DNAH6: variants seen among roughly 807,000 people sequenced by gnomAD.
DNAH6 encodes the protein dynein axonemal heavy chain 6.
In DNAH6, 340 loss-of-function variants were observed where a neutral mutation model predicts 491.4. The observed-to-expected ratio is 0.69, with a 90% CI of 0.63 to 0.76. The LOEUF is 0.76. Among genes scored for constraint, DNAH6 ranks in the 30% least tolerant of loss-of-function variants. The pLI, the probability that DNAH6 is intolerant of heterozygous loss-of-function variation, is 0.00. For synonymous variants in DNAH6, 1,603 were observed against 1,686.1 expected (o/e 0.95, Z 1.21); for missense variants, 4,443 against 4,972.2 (o/e 0.89, Z 3.20).
At chr2:84,535,200 T>C (rs1012431768) in intron 4 of DNAH6, among the ~76,000 whole-genome samples, 1 of 151,992 alleles carries the variant, frequency 6.6e-6, no homozygotes, top group Non-Finnish European at 1.5e-5. Flanking sequence ...CATGGTAATA[T>C]GGATTTAATT....
chr2:84,523,404 C>A (rs186437834), intron 2 of DNAH6, among the ~76,000 whole-genome samples: 1 of 151,866 alleles, frequency 6.6e-6, no homozygotes, highest in Non-Finnish European at 1.5e-5. Context: ...TTCAAAAAAC[C>A]AACTCCTGGA....
the DNAH6 span, among the ~76,000 whole-genome samples, chr2:84,507,390 T>G: frequency 6.6e-6 from 1 of 152,226 alleles, no homozygotes; most frequent in Non-Finnish European, 1.5e-5. Flanking sequence ...TGTATAAGAA[T>G]GCTTGTGATT....
intron 72 of DNAH6, among the ~76,000 whole-genome samples, chr2:84,810,441 G>A (rs115435224): frequency 3.3e-5 from 5 of 152,274 alleles, no homozygotes; most frequent in African/African-American, 9.6e-5. Flanking sequence ...GAAGCATAAG[G>A]GGAGGAGCCC....
chr2:84,681,884 C>G (rs1199918732), intron 42 of DNAH6, among the ~76,000 whole-genome samples: 1 of 152,186 alleles, frequency 6.6e-6, no homozygotes, highest in Non-Finnish European at 1.5e-5. Context: ...GAACCCAGTC[C>G]CCTCCTGTCT....
At chr2:84,471,573 C>G in the DNAH6 span, among the ~76,000 whole-genome samples, 2 of 152,066 alleles carry the variant, frequency 1.3e-5, no homozygotes, top group African/African-American at 4.8e-5. Context: ...CATTGTGACT[C>G]TGGTCGGTCC....
At chr2:84,756,117 G>C (rs1290968425) in intron 63 of DNAH6, among the ~76,000 whole-genome samples, 1 of 152,158 alleles carries the variant, frequency 6.6e-6, no homozygotes, top group African/African-American at 2.4e-5. Context: ...TTTATCAGCA[G>C]CGTGAAAATG....
intron 63 of DNAH6, among the ~76,000 whole-genome samples, chr2:84,748,156 T>C (rs553668609): frequency 3.9e-5 from 6 of 152,348 alleles, no homozygotes; most frequent in Non-Finnish European, 8.8e-5. Context: ...CATTTAGTCA[T>C]GCTAATCTCT....
At chr2:84,764,517 A>C (rs1004937555) in intron 64 of DNAH6, among the ~76,000 whole-genome samples, 6 of 152,208 alleles carry the variant, frequency 3.9e-5, no homozygotes, top group Non-Finnish European at 5.9e-5. Flanking sequence ...GGAGTAAAAA[A>C]TAAGCAAAAA....
rs543466134 is a variant in DNAH6 at position 84,746,681 on chromosome 2, T to C, written c.10512+1432T>C. Among the ~76,000 whole-genome samples, 6 of 152,308 alleles carry C rather than the reference T, an allele frequency of 3.9e-5. No homozygotes were observed. In the South Asian group the frequency reaches 1.2e-3, roughly 32 times the overall value. On this transcript the variant is annotated intron_variant, in intron 63 of 76. Transcript: ENST00000389394. ...GTGTTGATGCTATGTTGTAGGATTT[T>C]CTGCTATCTGTGTATGTTAGTCTGC... is the stretch of plus-strand genomic sequence containing the variant.
intron 11 of DNAH6, among the ~76,000 whole-genome samples, chr2:84,563,829 A>G (rs371142091): frequency 1.8e-4 from 28 of 152,146 alleles, no homozygotes; most frequent in African/African-American, 6.7e-4. Context: ...ATAGTTTGAG[A>G]TTGTACATTT....
intron 31 of DNAH6, among the ~76,000 whole-genome samples, chr2:84,638,177 T>A (rs1277439085): frequency 6.6e-6 from 1 of 152,074 alleles, no homozygotes; most frequent in Non-Finnish European, 1.5e-5. Flanking sequence ...ATATTCACAT[T>A]TTGTACTTTT....
the DNAH6 span, among the ~76,000 whole-genome samples, chr2:84,480,952 G>C: frequency 6.6e-6 from 1 of 150,802 alleles, no homozygotes. Flanking sequence ...GCCAGAGCAA[G>C]ACTCTGTCTC....
rs1688921776 is a variant in DNAH6, at chr2:84,636,790, G to A, written c.4654-420G>A. 2.0e-5 allele frequency among the ~76,000 whole-genome samples: 3 copies of A among 152,098 alleles called. No homozygotes were observed. The South Asian group carries it at 6.2e-4, about 32-fold the overall frequency. On this transcript the variant is annotated intron_variant, in intron 30 of 76. Coordinates refer to ENST00000389394, the MANE Select transcript of DNAH6 (RefSeq NM_001370.2). ...TGGTCCCAGCTACTTGGCAGGCTGAGGTGTGAGGTGGAAGGATTGCTTGAG... is the reference window on the plus strand; with the variant it reads ...TGGTCCCAGCTACTTGGCAGGCTGAAGTGTGAGGTGGAAGGATTGCTTGAG...
intron 29 of DNAH6, among the ~76,000 whole-genome samples, chr2:84,625,935 T>A (rs72922724): frequency 0.04 from 6,165 of 152,276 alleles, 407 homozygotes; most frequent in African/African-American, 0.14. Flanking sequence ...TTTATACTCT[T>A]CTTTGAACTA....
intron 71 of DNAH6, 103 bp from the exon 72 acceptor site, chr2:84,808,312 G>A (rs1679638246): frequency 7.7e-7 from 1 of 1,298,984 alleles, no homozygotes; most frequent in Non-Finnish European, 1.0e-6. Context: ...AACAATGAGA[G>A]AAGCTGGCTT....
intron 22 of DNAH6, 61 bp from the exon 23 acceptor site, chr2:84,616,825 T>C: frequency 1.2e-6 from 1 of 839,640 alleles, no homozygotes; most frequent in Non-Finnish European, 1.8e-6. Context: ...AGTGATATTT[T>C]TTCAGAAAAA....
In DNAH6 at chr2:84,658,425, G is replaced by T; in HGVS notation, c.5891G>T (p.Cys1964Phe). Residue 1964 changes from cysteine to phenylalanine, a missense_variant, in exon 36 of 77, where the codon TGC becomes TTC. Cys to Phe is a radical substitution (Grantham distance 205). Coordinates refer to ENST00000389394, the MANE Select transcript of DNAH6 (RefSeq NM_001370.2). Reference protein sequence around the residue: ...VDISKVTTLCCLLESLILGKD... With the variant: ...VDISKVTTLCFLLESLILGKD... ...ATCAGCAAAGTTACTACACTCTGTT[G>T]CTTATTGGAGTCCTTGATACTTGGG... 6.5e-7 allele frequency: 1 copy of T among 1,543,192 alleles called. No individual in the cohort carries two copies. The highest frequency in any genetic ancestry group is 8.7e-7 in the Non-Finnish European group (1 of 1,142,970).
intron 26 of DNAH6, among the ~76,000 whole-genome samples, chr2:84,622,615 G>A (rs932978481): frequency 2.0e-5 from 3 of 152,118 alleles, no homozygotes; most frequent in Non-Finnish European, 4.4e-5. Flanking sequence ...TTTGGCTATT[G>A]TGAATAATGC....
intron 60 of DNAH6, among the ~76,000 whole-genome samples, chr2:84,725,615 A>T (rs1013399006): frequency 3.3e-5 from 5 of 152,214 alleles, no homozygotes; most frequent in Non-Finnish European, 5.9e-5. Flanking sequence ...ATCTCCTTCA[A>T]GAAATAAAAG....
Sources: allele counts gnomAD v4.1 joint callset (sites outside exome capture counted in the v4.1 genomes callset), GRCh38; gene constraint gnomAD v4.1.1; transcripts MANE v1.5; gene names NCBI Gene and HGNC (gene_info 2026-07-23, HGNC 2026-07-21).